The following CFAP47 variants were observed in gnomAD, a reference collection of about 807,000 sequenced individuals.
CFAP47 encodes cilia- and flagella-associated protein 47.
Under a neutral mutation model 148.1 loss-of-function variants are expected in CFAP47, and 29 were observed. The ratio of observed to expected loss-of-function variants is 0.20; its 90% confidence interval spans 0.15 to 0.27. The LOEUF is 0.27. CFAP47 is among the 10% of genes least tolerant of loss of function. CFAP47 has a pLI of 1.00. For synonymous variants in CFAP47, 664 were observed against 577.3 expected (o/e 1.15, Z -2.15); for missense variants, 1,872 against 1,697.5 (o/e 1.10, Z -1.81).
intron 48 of CFAP47, among the ~76,000 whole-genome samples, chrX:36,244,792 C>T (rs2146917109): frequency 9.1e-6 from 1 of 110,276 alleles, no homozygotes; most frequent in South Asian, 3.8e-4. Context: ...CAAATTATAT[C>T]ACTGGTACCA....
intron 21 of CFAP47, among the ~76,000 whole-genome samples, chrX:36,012,803 C>T (rs1937054276): frequency 9.0e-6 from 1 of 110,923 alleles, no homozygotes; most frequent in Non-Finnish European, 1.9e-5. Context: ...GCACATTCTG[C>T]ACATGTATCC....
intron 50 of CFAP47, among the ~76,000 whole-genome samples, chrX:36,281,641 A>G (rs1403404947): frequency 8.9e-6 from 1 of 112,755 alleles, no homozygotes; most frequent in Non-Finnish European, 1.9e-5. Context: ...TACTCAAATT[A>G]TACTAATATA....
chrX:36,185,293 C>T (rs1014470477), intron 40 of CFAP47, among the ~76,000 whole-genome samples: 8 of 109,951 alleles, frequency 7.3e-5, no homozygotes, highest in Admixed American at 1.9e-4. Context: ...ATGAAGACTC[C>T]ACTTTTCTGA....
chrX:36,076,694 T>C (rs1937864514), intron 29 of CFAP47, among the ~76,000 whole-genome samples: 1 of 111,586 alleles, frequency 9.0e-6, no homozygotes, highest in Admixed American at 9.6e-5. Flanking sequence ...GGTTGTCTGT[T>C]TACTCTGTTA....
chrX:36,381,050 A>T, intron 63 of CFAP47, among the ~76,000 whole-genome samples: 1 of 111,991 alleles, frequency 8.9e-6, no homozygotes, highest in South Asian at 3.7e-4. Context: ...TTATGTAGGG[A>T]AAATTGAGTT....
At chrX:36,011,817 A>G (rs1457705516) in intron 21 of CFAP47, among the ~76,000 whole-genome samples, 1 of 111,866 alleles carries the variant, frequency 8.9e-6, no homozygotes, top group African/African-American at 3.3e-5. Flanking sequence ...GTTCACTCTG[A>G]TGCTAGTTTA....
chrX:36,183,930 T>C lies in CFAP47; in HGVS notation c.6104+4508T>C, dbSNP rs189465711. Among the ~76,000 whole-genome samples, 1,038 of 111,336 alleles carry C rather than the reference T, an allele frequency of 9.3e-3. 12 individuals are homozygous for C. The highest frequency in any genetic ancestry group is 0.032 in the African/African-American group (974 of 30,666). On this transcript the variant is annotated intron_variant, in intron 40 of 63. Coordinates refer to ENST00000378653, the MANE Select transcript of CFAP47 (RefSeq NM_001304548.2). ...GTTATAAGACCTGCTGTGTTTTTTT[T>C]CCAGCAATATTGAGTTATTTAATCA...
intron 63 of CFAP47, among the ~76,000 whole-genome samples, chrX:36,381,759 G>A (rs1163657121): frequency 1.8e-5 from 2 of 109,705 alleles, no homozygotes; most frequent in Non-Finnish European, 3.8e-5. Flanking sequence ...GAAAATGTGA[G>A]GATTATCAGA....
intron 50 of CFAP47, among the ~76,000 whole-genome samples, chrX:36,282,041 A>T (rs1556003726): frequency 9.0e-6 from 1 of 111,651 alleles, no homozygotes; most frequent in African/African-American, 3.2e-5. Flanking sequence ...CAATAGAAAA[A>T]AAAAGAAATT....
At chrX:36,229,687 G>C (rs1218845870) in intron 46 of CFAP47, among the ~76,000 whole-genome samples, 2 of 108,968 alleles carry the variant, frequency 1.8e-5, no homozygotes, top group African/African-American at 3.3e-5. Flanking sequence ...GTATACATGT[G>C]CCATGCTGGT....
In CFAP47 at chrX:36,290,108, T is replaced by C. The variant is rs1244950596; in HGVS notation, c.7686+4382T>C. On this transcript the variant is annotated intron_variant, in intron 51 of 63. Coordinates refer to ENST00000378653, the MANE Select transcript of CFAP47 (RefSeq NM_001304548.2). ...CCCGCACCTTAGTTCTTTTTATTTT[T>C]TCATCAAAGTCATCTATGCTGGCCA... Among the ~76,000 whole-genome samples the C allele has an allele frequency of 5.4e-5, 6 of 110,601 alleles. No individual in the cohort carries two copies. The East Asian group carries it at 1.7e-3, about 32-fold the overall frequency.
intron 35 of CFAP47, among the ~76,000 whole-genome samples, chrX:36,141,768 G>A (rs1173296855): frequency 1.8e-5 from 2 of 111,101 alleles, no homozygotes; most frequent in East Asian, 5.6e-4. Flanking sequence ...AGTTATCAGA[G>A]ATTCAGTTTT....
rs144726589 is a variant in CFAP47, at chrX:35,979,960, C to G, written c.2713+4047C>G. Among the ~76,000 whole-genome samples, 36 of 111,528 alleles carry G rather than the reference C, an allele frequency of 3.2e-4. No individual in the cohort carries two copies. In the East Asian group the frequency reaches 1.0e-2, roughly 31 times the overall value. On this transcript the variant is annotated intron_variant, in intron 15 of 63. Coordinates refer to ENST00000378653, the MANE Select transcript of CFAP47 (RefSeq NM_001304548.2). ...TGGTCAGAACCTATAGCTGGAATGC[C>G]GATAATACAACAACCACTGTTTGAT...
At chrX:36,248,592 G>A (rs1555997628) in intron 48 of CFAP47, among the ~76,000 whole-genome samples, 1 of 108,181 alleles carries the variant, frequency 9.2e-6, no homozygotes, top group African/African-American at 3.4e-5. Flanking sequence ...AACAATGTTA[G>A]TTGGAGGTTT....
intron 26 of CFAP47, among the ~76,000 whole-genome samples, chrX:36,047,920 T>C (rs919230578): frequency 1.8e-5 from 2 of 112,287 alleles, no homozygotes; most frequent in African/African-American, 6.5e-5. Context: ...TTAGAAACTT[T>C]GCAAATCATA....
rs1367302119 is a variant in CFAP47 at position 35,967,826 on chromosome X, A to G, written c.1808A>G (p.His603Arg). Residue 603 changes from histidine (H) to arginine (R), a missense_variant, in exon 10 of 64, where the codon CAT becomes CGT. His to Arg is a conservative substitution (Grantham distance 29, BLOSUM62 0). Transcript: ENST00000378653. ...ATCAGGTCTAAAGACCATCATAAAC[A>G]TTTCAGGTAACATGAAATATTAAAA... The part of the protein sequence containing the change: ...ATIRSKDHHK[H>R]FRPIFTKVPR... 1.7e-6 allele frequency: 2 copies of G among 1,190,944 alleles called. No individual in the cohort carries two copies. Among genetic ancestry groups the G allele is most frequent in the Admixed American group, 4.4e-5 (2 of 45,030 alleles).
At chrX:36,154,215 A>G (rs1164689213) in intron 37 of CFAP47, among the ~76,000 whole-genome samples, 2 of 111,739 alleles carry the variant, frequency 1.8e-5, no homozygotes, top group Admixed American at 9.5e-5. Context: ...TTCTTCTTCC[A>G]TTTTACTATA....
At chrX:36,023,254 A>T (rs1937179596) in intron 22 of CFAP47, among the ~76,000 whole-genome samples, 1 of 112,187 alleles carries the variant, frequency 8.9e-6, no homozygotes, top group African/African-American at 3.2e-5. Context: ...GATCCAGAAG[A>T]AGTCTCTGAA....
chrX:36,361,805 G>A (rs1168025974), intron 61 of CFAP47, among the ~76,000 whole-genome samples: 1 of 111,897 alleles, frequency 8.9e-6, no homozygotes, highest in Non-Finnish European at 1.9e-5. Context: ...AGCTGATTTA[G>A]CGTTGTGCAA....
Sources: gnomAD v4.1 joint callset for allele counts (sites outside exome capture counted in the v4.1 genomes callset) on GRCh38, gnomAD v4.1.1 for gene constraint, MANE v1.5 for transcripts, NCBI Gene and HGNC (gene_info 2026-07-23, HGNC 2026-07-21) for gene names.